Variants in ERC1 observed in about 807,000 individuals in gnomAD.
ERC1 encodes the protein RAB6 interacting protein 2.
ERC1 carries 56 observed loss-of-function variants against 132.0 expected under a neutral mutation model. The ratio of observed to expected loss-of-function variants is 0.42; its 90% CI spans 0.34 to 0.53. The LOEUF is 0.53. Ranked by LOEUF, ERC1 falls within the 20% of genes least tolerant of loss-of-function variation. The pLI, the probability that ERC1 is intolerant of heterozygous loss-of-function variation, is 0.03. For synonymous variants in ERC1, 478 were observed against 476.1 expected (o/e 1.00, Z -0.05); for missense variants, 1,202 against 1,349.9 (o/e 0.89, Z 1.72).
At chr12:1,341,089 T>TTTTTTTTTTTTTTTTTTTTTTTTTTTTTG (rs2083827730) in intron 15 of ERC1, among the ~76,000 whole-genome samples, 1 of 74,238 alleles carries the variant, frequency 1.3e-5, no homozygotes, top group Admixed American at 1.6e-4. Flanking sequence ...TTTTTTTTTT[T>TTTTTTTTTTTTTTTTTTTTTTTTTTTTTG]TTTTTTTTTT....
intron 15 of ERC1, among the ~76,000 whole-genome samples, chr12:1,323,789 A>G (rs1446548466): frequency 1.3e-5 from 2 of 152,160 alleles, no homozygotes; most frequent in Non-Finnish European, 2.9e-5. Context: ...AGAAGGAATG[A>G]TTGTTCTTGT....
intron 7 of ERC1, among the ~76,000 whole-genome samples, chr12:1,137,679 G>A (rs1446306393): frequency 1.3e-5 from 2 of 150,528 alleles, no homozygotes; most frequent in East Asian, 4.0e-4. Flanking sequence ...GCGAAACCCC[G>A]TCTCTACTAA....
At chr12:1,489,734 C>T (rs575519214) in intron 18 of ERC1, among the ~76,000 whole-genome samples, 15 of 152,274 alleles carry the variant, frequency 9.9e-5, no homozygotes, top group Admixed American at 8.5e-4. Flanking sequence ...GGGCGAGGGT[C>T]GCTCCACAAG....
intron 15 of ERC1, among the ~76,000 whole-genome samples, chr12:1,311,577 G>A (rs1012094310): frequency 2.0e-5 from 3 of 151,952 alleles, no homozygotes; most frequent in Admixed American, 1.3e-4. Flanking sequence ...TTTCCCGTGA[G>A]CATCTGAAAC....
chr12:1,278,419 C>CT (rs1410250174), intron 14 of ERC1, among the ~76,000 whole-genome samples: 5 of 152,096 alleles, frequency 3.3e-5, no homozygotes, highest in Admixed American at 6.5e-5. Context: ...TTTAAAAACT[C>CT]AATGTCTCAG....
At chr12:1,303,365 C>T (rs1315297726) in intron 15 of ERC1, among the ~76,000 whole-genome samples, 17 of 152,026 alleles carry the variant, frequency 1.1e-4, no homozygotes, top group Admixed American at 5.2e-4. Flanking sequence ...GGCCGGGCGC[C>T]GTGGCTCACG....
chr12:1,214,575 ATGTT>A (rs1255534296), intron 12 of ERC1, among the ~76,000 whole-genome samples: 4 of 151,896 alleles, frequency 2.6e-5, no homozygotes, highest in African/African-American at 4.8e-5. Flanking sequence ...AGCATATTCC[ATGTT>A]TGTTTGGATC....
At chr12:1,154,354 T>TACACACAC (rs35510985) in intron 8 of ERC1, among the ~76,000 whole-genome samples, 2,665 of 145,816 alleles carry the variant, frequency 0.018, 85 homozygotes, top group African/African-American at 0.063. Flanking sequence ...TGTGTGTTTA[T>TACACACAC]ACACACACAC....
chr12:1,029,744 CTTTTTTTTTTTTT>C (rs747890124), intron 2 of ERC1, among the ~76,000 whole-genome samples: 1 of 114,236 alleles, frequency 8.8e-6, no homozygotes, highest in Admixed American at 1.1e-4. Context: ...GTTAAACATA[CTTTTTTTTTTTTT>C]TTTTTTTTGA....
At chr12:1,361,330 G>A (rs2086095653) in intron 15 of ERC1, among the ~76,000 whole-genome samples, 1 of 151,626 alleles carries the variant, frequency 6.6e-6, no homozygotes, top group South Asian at 2.1e-4. Context: ...AATGGGTGCA[G>A]CACACCAACA....
At chr12:1,331,595 C>T (rs2082864987) in intron 15 of ERC1, among the ~76,000 whole-genome samples, 1 of 152,164 alleles carries the variant, frequency 6.6e-6, no homozygotes, top group Admixed American at 6.5e-5. Context: ...AATCCATCTG[C>T]TTGATTCGTT....
At chr12:1,093,779 A>G (rs917295749) in intron 3 of ERC1, among the ~76,000 whole-genome samples, 1 of 151,430 alleles carries the variant, frequency 6.6e-6, no homozygotes, top group African/African-American at 2.4e-5. Context: ...GAATCTAACT[A>G]GCATATCTGA....
chr12:1,486,041 A>G (rs1056816184), intron 18 of ERC1, among the ~76,000 whole-genome samples: 1 of 152,220 alleles, frequency 6.6e-6, no homozygotes, highest in African/African-American at 2.4e-5. Context: ...CTTCCTGGTC[A>G]TATCCTAAAT....
intron 15 of ERC1, among the ~76,000 whole-genome samples, chr12:1,308,085 T>C (rs2081014686): frequency 6.6e-6 from 1 of 152,210 alleles, no homozygotes. Context: ...ACTAGTAGTG[T>C]AGCTCTTAAG....
intron 12 of ERC1, among the ~76,000 whole-genome samples, chr12:1,211,871 T>C (rs1957911046): frequency 6.6e-6 from 1 of 152,110 alleles, no homozygotes. Context: ...TGTCCGGCCA[T>C]AATCAGTTCT....
intron 2 of ERC1, among the ~76,000 whole-genome samples, chr12:1,060,118 T>TA (rs1973714206): frequency 6.6e-6 from 1 of 152,030 alleles, no homozygotes. Flanking sequence ...TAATTGGACT[T>TA]ATAGTTCCAC....
At chr12:1,233,501 A>C (rs1011072068) in intron 12 of ERC1, among the ~76,000 whole-genome samples, 4 of 151,604 alleles carry the variant, frequency 2.6e-5, no homozygotes, top group Admixed American at 2.6e-4. Flanking sequence ...AAAGAGTAAG[A>C]AAACCAGACA....
chr12:1,250,792 A>G lies in ERC1; in HGVS notation c.2488-12242A>G, dbSNP rs186212624. Among the ~76,000 whole-genome samples the G allele has an allele frequency of 1.7e-3, 254 of 152,280 alleles. 1 individual carries two copies. Among genetic ancestry groups the G allele is most frequent in the Admixed American group, 4.6e-3 (71 of 15,302 alleles). Reference sequence around the variant, plus strand: ...AATAATGCAAAGTAGAGTGGACTGAAAGGAGGCTCCTATCAATAGTGGTTT... The same window carrying G: ...AATAATGCAAAGTAGAGTGGACTGAGAGGAGGCTCCTATCAATAGTGGTTT... On this transcript the variant is annotated intron_variant, in intron 13 of 18. Coordinates refer to ENST00000360905, the MANE Select transcript of ERC1 (RefSeq NM_178040.4).
chr12:1,370,644 A>T (rs1329304481), intron 15 of ERC1, among the ~76,000 whole-genome samples: 1 of 152,198 alleles, frequency 6.6e-6, no homozygotes, highest in Non-Finnish European at 1.5e-5. Context: ...ATTCAACTAC[A>T]ACTATAGGAA....
Sources: gnomAD v4.1 joint callset for allele counts (sites outside exome capture counted in the v4.1 genomes callset) on GRCh38, gnomAD v4.1.1 for gene constraint, MANE v1.5 for transcripts, NCBI Gene and HGNC (gene_info 2026-07-23, HGNC 2026-07-21) for gene names.